HTR2C: variants seen among roughly 807,000 people sequenced by gnomAD.
HTR2C encodes the protein 5-hydroxytryptamine receptor 2C.
A neutral mutation model predicts 21.0 loss-of-function variants in HTR2C; 5 were observed. The observed-to-expected ratio is 0.24, with a 90% CI of 0.12 to 0.50. HTR2C has a LOEUF of 0.50. HTR2C is among the 20% of genes least tolerant of loss of function. The probability of loss-of-function intolerance (pLI) is 0.98; values close to 1 mark genes in which losing one functional copy is unlikely to be tolerated. For missense variants in HTR2C, 271 were observed against 371.2 expected, an observed-to-expected ratio of 0.73 and a Z score of 2.22; for synonymous variants, 150 against 145.3, an observed-to-expected ratio of 1.03 and a Z score of -0.23.
At chrX:114,710,441 G>GAA (rs66473107) in intron 2 of HTR2C, among the ~76,000 whole-genome samples, 4 of 109,673 alleles carry the variant, frequency 3.6e-5, no homozygotes, top group Middle Eastern at 4.7e-3. Flanking sequence ...GATGAGGAGT[G>GAA]AAAAAATGTA....
chrX:114,849,919 A>C (rs2147490829), intron 5 of HTR2C, among the ~76,000 whole-genome samples: 1 of 112,153 alleles, frequency 8.9e-6, no homozygotes, highest in Admixed American at 9.5e-5. Flanking sequence ...CAGGTATGGG[A>C]CAATAAGAGA....
chrX:114,836,572 G>T (rs782170681), intron 4 of HTR2C, among the ~76,000 whole-genome samples: 87 of 111,782 alleles, frequency 7.8e-4, no homozygotes, highest in African/African-American at 2.7e-3. Context: ...GCTCGTGCAC[G>T]GTGCGTGCAC....
intron 4 of HTR2C, among the ~76,000 whole-genome samples, chrX:114,791,433 T>G (rs782367597): frequency 8.9e-6 from 1 of 111,919 alleles, no homozygotes; most frequent in East Asian, 2.8e-4. Flanking sequence ...TAAGAAGAGA[T>G]AATCCATTGC....
At chrX:114,845,520 G>A (rs1352894845) in intron 4 of HTR2C, among the ~76,000 whole-genome samples, 1 of 110,488 alleles carries the variant, frequency 9.1e-6, no homozygotes, top group East Asian at 2.8e-4. Context: ...AAGTTTAGTG[G>A]AAATATAAAA....
chrX:114,662,026 A>G (rs1931006648), intron 2 of HTR2C, among the ~76,000 whole-genome samples: 1 of 111,828 alleles, frequency 8.9e-6, no homozygotes, highest in Non-Finnish European at 1.9e-5. Context: ...ATGTTATTTC[A>G]TTCTACGTTG....
intron 4 of HTR2C, among the ~76,000 whole-genome samples, chrX:114,750,100 G>A (rs782224665): frequency 1.8e-5 from 2 of 111,494 alleles, no homozygotes; most frequent in South Asian, 7.5e-4. Context: ...GTGTGTAAGT[G>A]CAACTACCTC....
intron 2 of HTR2C, among the ~76,000 whole-genome samples, chrX:114,633,945 T>G (rs916816407): frequency 2.7e-3 from 71 of 25,870 alleles, no homozygotes; most frequent in Non-Finnish European, 4.0e-3. Flanking sequence ...TATATATATA[T>G]ATAGAGAGAG....
At chrX:114,793,703 A>G (rs1371351465) in intron 4 of HTR2C, among the ~76,000 whole-genome samples, 1 of 110,165 alleles carries the variant, frequency 9.1e-6, no homozygotes, top group Non-Finnish European at 1.9e-5. Flanking sequence ...ACACAGAAAA[A>G]TCAGTAAACA....
At chrX:114,843,244 A>G (rs1174197984) in intron 4 of HTR2C, among the ~76,000 whole-genome samples, 2 of 111,865 alleles carry the variant, frequency 1.8e-5, no homozygotes, top group South Asian at 3.7e-4. Flanking sequence ...CAGAAGAACA[A>G]TGTCTCAAGG....
intron 4 of HTR2C, among the ~76,000 whole-genome samples, chrX:114,811,336 C>T (rs1442021046): frequency 8.2e-5 from 9 of 109,989 alleles, no homozygotes; most frequent in African/African-American, 3.0e-4. Context: ...CCACCCAATA[C>T]GTTTTTTTGG....
At chrX:114,597,269 A>T (rs1369814694) in intron 1 of HTR2C, among the ~76,000 whole-genome samples, 2 of 108,673 alleles carry the variant, frequency 1.8e-5, no homozygotes, top group South Asian at 4.0e-4. Flanking sequence ...AAGCTAAATT[A>T]TACCCGACAT....
intron 2 of HTR2C, among the ~76,000 whole-genome samples, chrX:114,710,748 G>A (rs1418569547): frequency 9.0e-6 from 1 of 111,443 alleles, no homozygotes; most frequent in Non-Finnish European, 1.9e-5. Flanking sequence ...TAGGGCAACA[G>A]ATGGTGGCTT....
chrX:114,610,936 C>T (rs908861952), intron 1 of HTR2C, among the ~76,000 whole-genome samples: 12 of 111,635 alleles, frequency 1.1e-4, no homozygotes, highest in African/African-American at 3.9e-4. Flanking sequence ...ACTCAAAGTA[C>T]TTCATATTTT....
chrX:114,856,784 A>G (rs1028985528), intron 5 of HTR2C, among the ~76,000 whole-genome samples: 102 of 111,436 alleles, frequency 9.2e-4, no homozygotes, highest in African/African-American at 3.1e-3. Context: ...TCTTTCCCCA[A>G]AAGTACATAG....
chrX:114,752,440 C>A (rs2069769410), intron 4 of HTR2C, among the ~76,000 whole-genome samples: 1 of 110,883 alleles, frequency 9.0e-6, no homozygotes, highest in African/African-American at 3.3e-5. Context: ...TCTCCAGGTA[C>A]CTTTTGATTC....
chrX:114,765,713 T>G (rs782619045), intron 4 of HTR2C, among the ~76,000 whole-genome samples: 5 of 111,924 alleles, frequency 4.5e-5, no homozygotes, highest in Admixed American at 1.9e-4. Context: ...TAAGGGTAAT[T>G]TCTCCAAGCC....
intron 2 of HTR2C, among the ~76,000 whole-genome samples, chrX:114,657,844 C>A (rs1300880403): frequency 2.7e-5 from 3 of 111,188 alleles, no homozygotes; most frequent in Non-Finnish European, 5.7e-5. Context: ...TCCTGAAGAA[C>A]AAGCCAATAT....
intron 1 of HTR2C, among the ~76,000 whole-genome samples, chrX:114,609,457 T>A (rs1430110431): frequency 1.8e-5 from 2 of 111,654 alleles, no homozygotes; most frequent in Non-Finnish European, 3.8e-5. Flanking sequence ...CGATGCACCA[T>A]TTTGTATTTA....
At chrX:114,741,256 C>T (rs1556425274) in intron 4 of HTR2C, among the ~76,000 whole-genome samples, 1 of 108,643 alleles carries the variant, frequency 9.2e-6, no homozygotes, top group African/African-American at 3.3e-5. Context: ...CACGGTGGCT[C>T]ATGCCTGTAA....
Sources: allele counts gnomAD v4.1 joint callset (sites outside exome capture counted in the v4.1 genomes callset), GRCh38; gene constraint gnomAD v4.1.1; transcripts MANE v1.5; gene names NCBI Gene and HGNC (gene_info 2026-07-23, HGNC 2026-07-21).